ATP11A: variants seen among roughly 807,000 people sequenced by gnomAD.
ATP11A encodes the protein ATPase phospholipid transporting 11A, also known as phospholipid-transporting ATPase IH.
In ATP11A, 81 loss-of-function variants were observed where a neutral mutation model predicts 154.4. That is an observed-to-expected ratio of 0.52 (90% CI 0.44 to 0.63). The LOEUF (loss-of-function observed/expected upper bound fraction) is 0.63. Among genes scored for constraint, ATP11A ranks in the 30% least tolerant of loss-of-function variants. ATP11A has a pLI of 0.00. For synonymous variants in ATP11A, 623 were observed against 585.9 expected, an observed-to-expected ratio of 1.06 and a Z score of -0.91; for missense variants, 1,316 against 1,474.3, an observed-to-expected ratio of 0.89 and a Z score of 1.76.
In ATP11A at chr13:112,836,150, G is replaced by A. The variant is rs373849976; in HGVS notation, c.1632-28G>A. The A allele has an allele frequency of 1.9e-3, 2,988 of 1,569,514 alleles. 98 individuals are homozygous for A. In the South Asian group the frequency reaches 0.031, roughly 17 times the overall value. On this transcript the variant is annotated intron_variant, in intron 15 of 29. Transcript: ENST00000375645. ...GAATCACGTGAGCACCCGTGTGGAC[G>A]GTGTGACCTTCTGCATTTCTCTTTC... is the stretch of plus-strand genomic sequence containing the variant.
At position 112,704,781 on chromosome 13, in the gene ATP11A, G is replaced by T. The variant is rs76128883; in HGVS notation, c.39+14326G>T. Among the ~76,000 whole-genome samples the T allele has an allele frequency of 6.9e-3, 1,048 of 152,368 alleles. 7 individuals carry two copies. Among genetic ancestry groups the T allele is most frequent in the African/African-American group, 0.024 (999 of 41,588 alleles). ...TAATTAAATAATCTCCTGCTTCAGA[G>T]AAAAGAGGATTTCCTCCAACCTATT... On this transcript the variant is annotated intron_variant, in intron 1 of 29. Coordinates refer to ENST00000375645, the MANE Select transcript of ATP11A (RefSeq NM_015205.3).
At chr13:112,773,249 C>T (rs1440771703) in intron 1 of ATP11A, among the ~76,000 whole-genome samples, 1 of 152,174 alleles carries the variant, frequency 6.6e-6, no homozygotes, top group African/African-American at 2.4e-5. Context: ...ACCCTCAGAA[C>T]AGAATGCAGG....
Position 112,827,409 on chromosome 13 carries a change from G to T in ATP11A, c.1221+518G>T, listed in dbSNP as rs527875490. On this transcript the variant is annotated intron_variant, in intron 12 of 29. Transcript: ENST00000375645. ...GAAATGGAGATGATAACAGATGCTG[G>T]CCTTACAGGATTGGGTTGCAGATTA... Among the ~76,000 whole-genome samples, 35 of 152,344 alleles carry T rather than the reference G, an allele frequency of 2.3e-4. No homozygotes were observed. In the South Asian group the frequency reaches 2.5e-3, roughly 11 times the overall value.
intron 1 of ATP11A, among the ~76,000 whole-genome samples, chr13:112,708,460 A>T (rs994831802): frequency 6.6e-6 from 1 of 152,246 alleles, no homozygotes; most frequent in Non-Finnish European, 1.5e-5. Context: ...CGTTAGACTC[A>T]TTTAAAAACC....
At chr13:112,874,103 T>C (rs1386179936) in intron 27 of ATP11A, among the ~76,000 whole-genome samples, 1 of 152,250 alleles carries the variant, frequency 6.6e-6, no homozygotes, top group Admixed American at 6.5e-5. Flanking sequence ...CGACAGGTCC[T>C]GTCTCACTCC....
At chr13:112,691,151 A>G (rs1202260553) in intron 1 of ATP11A, among the ~76,000 whole-genome samples, 1 of 152,130 alleles carries the variant, frequency 6.6e-6, no homozygotes, top group Non-Finnish European at 1.5e-5. Flanking sequence ...GGAAACCGGA[A>G]TCCCTGGCGT....
At position 112,859,451 on chromosome 13, in the gene ATP11A, A is replaced by T; in HGVS notation, c.2726A>T (p.Gln909Leu). 6.2e-7 allele frequency: 1 copy of T among 1,613,208 alleles called. No homozygotes were observed. The highest frequency in any genetic ancestry group is 8.5e-7 in the Non-Finnish European group (1 of 1,179,194). Residue 909 changes from glutamine (Q) to leucine (L), a missense_variant and splice_region_variant, in exon 23 of 30, where the codon CAG (glutamine) becomes CTG (leucine). Around this residue, in one of 5 missense-constraint regions of ATP11A, gnomAD observed 294 missense variants for 290.2 expected, o/e 1.01. Coordinates refer to ENST00000375645, the MANE Select transcript of ATP11A (RefSeq NM_015205.3). The surrounding 1 kb of genome is among the most constrained non-coding windows in gnomAD (Gnocchi z 4.3). ...LYQFFCGFSQQTLYDTAYLTL... is the reference protein window; with the variant it reads ...LYQFFCGFSQLTLYDTAYLTL... The stretch of plus-strand genomic sequence containing the variant: ...CAGTTCTTCTGTGGGTTTTCACAAC[A>T]GGTCAGTCCTAGGGTCTTCAGGGAC...
intron 1 of ATP11A, among the ~76,000 whole-genome samples, chr13:112,783,889 C>T (rs1251866682): frequency 1.3e-5 from 2 of 152,160 alleles, no homozygotes; most frequent in Non-Finnish European, 2.9e-5. Flanking sequence ...TACAGTGTTC[C>T]GAGTAATACA....
intron 25 of ATP11A, among the ~76,000 whole-genome samples, chr13:112,866,047 C>T (rs758287003): frequency 9.8e-5 from 15 of 152,310 alleles, no homozygotes; most frequent in Middle Eastern, 3.4e-3. Context: ...AGTTTTCTAG[C>T]AGACATTCAC....
chr13:112,802,552 C>CAAAAAAAAAAAAAA (rs35889771), intron 2 of ATP11A, among the ~76,000 whole-genome samples: 1 of 80,948 alleles, frequency 1.2e-5, no homozygotes, highest in Non-Finnish European at 2.4e-5. Context: ...ACTGGACATG[C>CAAAAAAAAAAAAAA]AAAAAAAAAA....
intron 1 of ATP11A, chr13:112,717,197 AT>A (rs1166081381): frequency 6.6e-6 from 1 of 152,246 alleles, no homozygotes; most frequent in African/African-American, 2.4e-5. Flanking sequence ...AAAATTTAAA[AT>A]GCAAATATGG....
Position 112,789,021 on chromosome 13 carries a change from G to A in ATP11A, c.162+3764G>A, listed in dbSNP as rs572887757. On this transcript the variant is annotated intron_variant, in intron 2 of 29. Coordinates refer to ENST00000375645, the MANE Select transcript of ATP11A (RefSeq NM_015205.3). ...TAATTCACATTGAGCATCCTGACAT[G>A]TAGACCCCTGTGTAGACCTACTTCA... is the stretch of plus-strand genomic sequence containing the variant. 4.3e-4 allele frequency among the ~76,000 whole-genome samples: 65 copies of A among 151,610 alleles called. 1 individual carries two copies. The highest frequency in any genetic ancestry group is 1.5e-3 in the African/African-American group (61 of 41,302).
intron 29 of ATP11A, chr13:112,880,602 C>G: frequency 1.5e-6 from 2 of 1,299,684 alleles, no homozygotes; most frequent in Non-Finnish European, 2.0e-6. Flanking sequence ...ATGGGCCCCT[C>G]CTGAAGGACC....
chr13:112,704,368 G>A (rs780545757), intron 1 of ATP11A, among the ~76,000 whole-genome samples: 7 of 152,214 alleles, frequency 4.6e-5, no homozygotes, highest in Non-Finnish European at 8.8e-5. Context: ...GGTACTTTGC[G>A]CTCTCTTTCA....
At position 112,859,353 on chromosome 13, in the gene ATP11A, T is replaced by A; in HGVS notation, c.2668-40T>A. The stretch of plus-strand genomic sequence containing the variant: ...TCGGTAGGTGGCGGCTGCCTCCCTC[T>A]GTCCCGTCACCGAACTAACAGTTAT... On this transcript the variant is annotated intron_variant, in intron 22 of 29. Coordinates refer to ENST00000375645, the MANE Select transcript of ATP11A (RefSeq NM_015205.3). The surrounding 1 kb of genome is among the most constrained non-coding windows in gnomAD (Gnocchi z 4.3). The A allele has an allele frequency of 6.3e-7, 1 of 1,591,742 alleles. No homozygotes were observed. The highest frequency in any genetic ancestry group is 8.6e-7 in the Non-Finnish European group (1 of 1,159,704).
chr13:112,828,141 G>C (rs367047), intron 12 of ATP11A, among the ~76,000 whole-genome samples: 4,447 of 28,952 alleles, frequency 0.15, 61 homozygotes, highest in African/African-American at 0.23. Flanking sequence ...GCGTTGAGTA[G>C]GGGGGAAAGC....
At position 112,816,103 on chromosome 13, in the gene ATP11A, T is replaced by G; in HGVS notation, c.462T>G (p.Val154=). ...TGTAGGTTGGGGACATTGTCATGGT[T>G]AAGGAGGACGAGACCTTTCCCTGCG... ...RKLRVGDIVM[V]KEDETFPCDL... is the part of the protein sequence containing the mutation. The change falls in exon 6 of 30, where the codon GTT becomes GTG. Residue 154 remains valine, a synonymous_variant. Coordinates refer to ENST00000375645, the MANE Select transcript of ATP11A (RefSeq NM_015205.3). 1 of 1,614,204 alleles carries G rather than the reference T, an allele frequency of 6.2e-7. No homozygotes were observed. Among genetic ancestry groups the G allele is most frequent in the Non-Finnish European group, 8.5e-7 (1 of 1,180,036 alleles).
At chr13:112,817,237 G>T (rs2078669820) in intron 6 of ATP11A, among the ~76,000 whole-genome samples, 1 of 152,156 alleles carries the variant, frequency 6.6e-6, no homozygotes, top group South Asian at 2.1e-4. Context: ...CTCTAAAATG[G>T]TATTTAGGTA....
rs550217626 is a variant in ATP11A, at chr13:112,827,992, C to T, written c.1221+1101C>T. On this transcript the variant is annotated intron_variant, in intron 12 of 29. Coordinates refer to ENST00000375645, the MANE Select transcript of ATP11A (RefSeq NM_015205.3). ...ATCTAGGAATATTCTATCTCCTTTG[C>T]AACAATAGATGGTACATTTTGTGAG... Among the ~76,000 whole-genome samples, 3 of 152,370 alleles carry T rather than the reference C, an allele frequency of 2.0e-5. No homozygotes were observed. In the East Asian group the frequency reaches 5.8e-4, roughly 29 times the overall value.
Sources: allele counts gnomAD v4.1 joint callset (sites outside exome capture counted in the v4.1 genomes callset), GRCh38; gene constraint gnomAD v4.1.1; regional missense constraint gnomAD v4.1.1; non-coding constraint Gnocchi (gnomAD v3.1); transcripts MANE v1.5; gene names NCBI Gene and HGNC (gene_info 2026-07-23, HGNC 2026-07-21).